The following KCNH8 variants were observed in gnomAD, a reference collection of about 807,000 sequenced individuals.
KCNH8 encodes voltage-gated delayed rectifier potassium channel KCNH8.
KCNH8 carries 70 observed loss-of-function variants against 103.6 expected under a neutral mutation model. The observed-to-expected ratio is 0.68, with a 90% confidence interval of 0.56 to 0.82. The LOEUF (loss-of-function observed/expected upper bound fraction) is 0.82. Ranked by LOEUF, KCNH8 falls within the 40% of genes least tolerant of loss-of-function variation. The probability of loss-of-function intolerance (pLI) is 0.00; values close to 1 mark genes in which losing one functional copy is unlikely to be tolerated. For missense variants in KCNH8, 1,217 were observed against 1,329.9 expected (o/e 0.92, Z 1.32); for synonymous variants, 498 against 489.4 (o/e 1.02, Z -0.23).
At chr3:19,317,022 G>A (rs1169405212) in intron 3 of KCNH8, among the ~76,000 whole-genome samples, 1 of 151,580 alleles carries the variant, frequency 6.6e-6, no homozygotes, top group African/African-American at 2.4e-5. Context: ...ATTCATTCCT[G>A]ACTACTTCTT....
At chr3:19,498,034 GT>G (rs2068483033) in intron 11 of KCNH8, among the ~76,000 whole-genome samples, 1 of 152,120 alleles carries the variant, frequency 6.6e-6, no homozygotes, top group African/African-American at 2.4e-5. Flanking sequence ...TTTAAAGTCT[GT>G]TTTGTCTGAA....
At chr3:19,319,815 G>A (rs971355397) in intron 3 of KCNH8, among the ~76,000 whole-genome samples, 5 of 151,752 alleles carry the variant, frequency 3.3e-5, no homozygotes, top group East Asian at 3.9e-4. Flanking sequence ...ATATGTTTCC[G>A]TTTGTGTTGT....
chr3:19,454,160 G>A (rs2067494473), intron 10 of KCNH8, among the ~76,000 whole-genome samples: 1 of 145,492 alleles, frequency 6.9e-6, no homozygotes, highest in South Asian at 2.2e-4. Context: ...GTGTGTGTGT[G>A]TGTGTGTGTG....
rs116106867 is a variant in KCNH8 at position 19,235,415 on chromosome 3, A to G, written c.77-18239A>G. Among the ~76,000 whole-genome samples, 964 of 152,338 alleles carry G rather than the reference A, an allele frequency of 6.3e-3. 15 individuals are homozygous for G. Among genetic ancestry groups the G allele is most frequent in the African/African-American group, 0.022 (900 of 41,568 alleles). ...TAGATTACATGTGCACTCCAGAATT[A>G]TGTGTGCCTCTGGGGCATACATATG... On this transcript the variant is annotated intron_variant, in intron 1 of 15. Coordinates refer to ENST00000328405, the MANE Select transcript of KCNH8 (RefSeq NM_144633.3).
In KCNH8 at chr3:19,528,350, G is replaced by T. The variant is rs768438756; in HGVS notation, c.2620-5045G>T. Reference sequence around the variant, plus strand: ...TTATGAGATCTAGGAATCAGTCATTGGGGGAAATTTCCCAGAGAATTAAAA... The same window carrying T: ...TTATGAGATCTAGGAATCAGTCATTTGGGGAAATTTCCCAGAGAATTAAAA... On this transcript the variant is annotated intron_variant, in intron 15 of 15. Transcript: ENST00000328405. 1.0e-3 allele frequency among the ~76,000 whole-genome samples: 159 copies of T among 151,884 alleles called. 4 individuals carry two copies. Among genetic ancestry groups the T allele is most frequent in the Non-Finnish European group, 2.5e-4 (17 of 67,924 alleles).
At chr3:19,464,918 TATG>T (rs1300297818) in intron 11 of KCNH8, among the ~76,000 whole-genome samples, 2 of 152,160 alleles carry the variant, frequency 1.3e-5, no homozygotes, top group Non-Finnish European at 2.9e-5. Context: ...GTGAGAATGA[TATG>T]ATTAGTATCA....
Position 19,169,624 on chromosome 3 carries a change from G to C in KCNH8, c.76+20829G>C, listed in dbSNP as rs545593108. Among the ~76,000 whole-genome samples the C allele has an allele frequency of 1.2e-4, 19 of 152,232 alleles. No homozygotes were observed. In the South Asian group the frequency reaches 3.9e-3, roughly 32 times the overall value. On this transcript the variant is annotated intron_variant, in intron 1 of 15. Coordinates refer to ENST00000328405, the MANE Select transcript of KCNH8 (RefSeq NM_144633.3). ...TATGCATAACTGGTTTTTGTTGACC[G>C]CATCTGAAAATCCTGTGTGTTATTT...
chr3:19,337,821 A>G lies in KCNH8; in HGVS notation c.443-4766A>G, dbSNP rs369097748. On this transcript the variant is annotated intron_variant, in intron 3 of 15. Transcript: ENST00000328405. ...TAATAAAATCACACATTACAAGTCA[A>G]TTTCTTCTTTTGAAAACTCAAATGT... Among the ~76,000 whole-genome samples the G allele has an allele frequency of 1.8e-4, 28 of 152,108 alleles. No individual in the cohort carries two copies. In the East Asian group the frequency reaches 2.5e-3, roughly 14 times the overall value.
chr3:19,259,096 G>A (rs977046104), intron 2 of KCNH8, among the ~76,000 whole-genome samples: 2 of 150,586 alleles, frequency 1.3e-5, no homozygotes, highest in Admixed American at 6.6e-5. Context: ...TTTTGATAAG[G>A]TTGTGGATAA....
chr3:19,260,419 C>G (rs952455882), intron 2 of KCNH8, among the ~76,000 whole-genome samples: 5 of 144,540 alleles, frequency 3.5e-5, no homozygotes, highest in Admixed American at 2.8e-4. Flanking sequence ...CAGATAATTA[C>G]AGTAAGAAAC....
At chr3:19,353,404 A>G (rs772981362) in intron 5 of KCNH8, among the ~76,000 whole-genome samples, 3 of 152,216 alleles carry the variant, frequency 2.0e-5, no homozygotes, top group Non-Finnish European at 2.9e-5. Context: ...TCATCCTGAT[A>G]TCAAAGCCTG....
At position 19,456,885 on chromosome 3, in the gene KCNH8, T is replaced by C; in HGVS notation, c.1943T>C (p.Phe648Ser). Residue 648 changes from phenylalanine (F) to serine (S), a missense_variant, in exon 11 of 16, where the codon TTT becomes TCT. Phe to Ser is a radical substitution (Grantham distance 155, BLOSUM62 -2). Around this residue, in one of 3 missense-constraint regions of KCNH8, gnomAD observed 415 missense variants for 577.4 expected, o/e 0.72. Coordinates refer to ENST00000328405, the MANE Select transcript of KCNH8 (RefSeq NM_144633.3). The part of the protein sequence containing the change: ...DLQCIILKGL[F>S]EVLDLYPEYA... The stretch of plus-strand genomic sequence containing the variant: ...CAGTGTATCATCCTCAAAGGACTCT[T>C]TGAAGTGCTAGACCTTTACCCAGAA... The C allele has an allele frequency of 6.2e-7, 1 of 1,612,658 alleles. No homozygotes were observed. The highest frequency in any genetic ancestry group is 8.5e-7 in the Non-Finnish European group (1 of 1,179,038).
Position 19,271,682 on chromosome 3 carries a change from G to T in KCNH8, c.311-9516G>T, listed in dbSNP as rs866589149. ...GCCTCCTCAAAGCTCTTAACCATGA[G>T]AATTAGCCATATAACCAGTATGCAG... On this transcript the variant is annotated intron_variant, in intron 2 of 15. Transcript: ENST00000328405. Among the ~76,000 whole-genome samples the T allele has an allele frequency of 8.5e-5, 13 of 152,180 alleles. No homozygotes were observed. In the Middle Eastern group the frequency reaches 0.014, roughly 159 times the overall value.
intron 3 of KCNH8, among the ~76,000 whole-genome samples, chr3:19,288,959 T>G (rs1428393553): frequency 6.6e-6 from 1 of 152,220 alleles, no homozygotes; most frequent in East Asian, 1.9e-4. Context: ...GTGGTTTTGA[T>G]TTGCATTTCT....
At chr3:19,488,914 G>C (rs1364129227) in intron 11 of KCNH8, among the ~76,000 whole-genome samples, 4 of 152,174 alleles carry the variant, frequency 2.6e-5, no homozygotes, top group African/African-American at 9.6e-5. Flanking sequence ...TAACGGTTTG[G>C]AGCAAGTCAA....
At chr3:19,169,625 C>T (rs973437182) in intron 1 of KCNH8, among the ~76,000 whole-genome samples, 6 of 152,160 alleles carry the variant, frequency 3.9e-5, no homozygotes, top group Admixed American at 6.5e-5. Context: ...TTGTTGACCG[C>T]ATCTGAAAAT....
At position 19,266,528 on chromosome 3, in the gene KCNH8, C is replaced by T. The variant is rs552563350; in HGVS notation, c.310+12641C>T. Among the ~76,000 whole-genome samples the T allele has an allele frequency of 3.3e-5, 5 of 152,218 alleles. No homozygotes were observed. In the South Asian group the frequency reaches 1.0e-3, roughly 32 times the overall value. On this transcript the variant is annotated intron_variant, in intron 2 of 15. Transcript: ENST00000328405. ...GTGTTTCCATGTGTCACAGTAGGCA[C>T]CACCTTGTGTTATAACTTTCTCTTT...
intron 10 of KCNH8, among the ~76,000 whole-genome samples, chr3:19,455,649 C>G (rs1464280966): frequency 2.0e-5 from 3 of 152,016 alleles, no homozygotes; most frequent in Non-Finnish European, 4.4e-5. Flanking sequence ...CTTGCCAGGA[C>G]TCAATACAAG....
chr3:19,184,900 C>G (rs1477348526), intron 1 of KCNH8, among the ~76,000 whole-genome samples: 1 of 151,880 alleles, frequency 6.6e-6, no homozygotes, highest in Non-Finnish European at 1.5e-5. Flanking sequence ...TATCCAGTTT[C>G]TTTCATGTAA....
Sources: gnomAD v4.1 joint callset for allele counts (sites outside exome capture counted in the v4.1 genomes callset) on GRCh38, gnomAD v4.1.1 for gene constraint, gnomAD v4.1.1 regional missense constraint, MANE v1.5 for transcripts, NCBI Gene and HGNC (gene_info 2026-07-23, HGNC 2026-07-21) for gene names.